OR3A2: variants seen among roughly 807,000 people sequenced by gnomAD.
The protein encoded by OR3A2 is olfactory receptor 3A2.
For synonymous variants in OR3A2, 126 were observed against 159.3 expected (o/e 0.79, Z 1.57); for missense variants, 318 against 392.8 (o/e 0.81, Z 1.61).
At chr17:3,310,783 A>G (rs753321395) in intron 3 of OR3A2, 7 of 603,938 alleles carry the variant, frequency 1.2e-5, no homozygotes, top group African/African-American at 5.7e-5. Flanking sequence ...TCCTTCACCA[A>G]TGCACTGACC....
intron 2 of OR3A2, among the ~76,000 whole-genome samples, chr17:3,354,456 C>G (rs1305826466): frequency 1.3e-5 from 2 of 151,064 alleles, no homozygotes; most frequent in African/African-American, 2.5e-5. Flanking sequence ...ACTTTCATCT[C>G]ATTATTATTA....
intron 3 of OR3A2, among the ~76,000 whole-genome samples, chr17:3,326,361 A>G (rs2049171921): frequency 6.6e-6 from 1 of 152,082 alleles, no homozygotes; most frequent in African/African-American, 2.4e-5. Flanking sequence ...ACCATAGAAG[A>G]AAATCTAGGC....
chr17:3,305,089 CAGTA>C (rs1827944221), intron 3 of OR3A2, among the ~76,000 whole-genome samples: 1 of 152,120 alleles, frequency 6.6e-6, no homozygotes, highest in Admixed American at 6.5e-5. Context: ...TGTCAAAACT[CAGTA>C]AGTGTGCACT....
At chr17:3,317,105 A>G (rs1486974206) in intron 3 of OR3A2, among the ~76,000 whole-genome samples, 6 of 152,240 alleles carry the variant, frequency 3.9e-5, no homozygotes. Flanking sequence ...GCATAAACCC[A>G]GAAACTATTT....
chr17:3,337,466 G>C (rs551764199), intron 2 of OR3A2, among the ~76,000 whole-genome samples: 1 of 150,102 alleles, frequency 6.7e-6, no homozygotes, highest in Non-Finnish European at 1.5e-5. Flanking sequence ...GATGTTCCCC[G>C]CCCTGTGTCC....
Position 3,291,964 on chromosome 17 carries a change from A to G in OR3A2, c.-84-12811T>C, listed in dbSNP as rs148493953. On this transcript the variant is annotated intron_variant, in intron 3 of 4. Transcript: ENST00000573491. ...GCCATGGGGGTACCTGCCATTATAAAACCCACAGCAAAAAGCAGCAGCTCA... is the reference window on the plus strand; with the variant it reads ...GCCATGGGGGTACCTGCCATTATAAGACCCACAGCAAAAAGCAGCAGCTCA... The G allele has an allele frequency of 1.2e-5, 19 of 1,614,192 alleles. 1 individual carries two copies. The African/African-American group carries it at 2.4e-4, about 20-fold the overall frequency.
At chr17:3,278,666 C>T (rs1432208344) in exon 2 of OR3A2, 1 of 1,411,708 alleles carries the variant, frequency 7.1e-7, no homozygotes, top group Admixed American at 1.9e-5. Flanking sequence ...GACGACCCAA[C>T]ATTGCAGGAA....
rs998697094 is a variant in OR3A2, at chr17:3,311,017, G to A, written c.-85+25016C>T. 3 of 549,280 alleles carry A rather than the reference G, an allele frequency of 5.5e-6. No homozygotes were observed. The highest frequency in any genetic ancestry group is 1.1e-5 in the Non-Finnish European group (3 of 270,576). 34.0% of individuals were successfully genotyped at this position (549,280 alleles called of 1,614,324 possible). ...GTCCTGCGAATCCGCTCTGCAGAGG[G>A]CAGAAAGAAAGCCTTCTCCACGTGT... is the stretch of plus-strand genomic sequence containing the variant. On this transcript the variant is annotated intron_variant, in intron 3 of 4. Transcript: ENST00000573491. The surrounding 1 kb of genome is among the most constrained non-coding windows in gnomAD (Gnocchi z 4.6).
chr17:3,382,467 C>T (rs1169410252), intron 2 of OR3A2, among the ~76,000 whole-genome samples: 1 of 152,186 alleles, frequency 6.6e-6, no homozygotes, highest in Admixed American at 6.5e-5. Context: ...GACTGGGTAC[C>T]TCTGGCTGGG....
At chr17:3,349,526 A>G (rs1459456750) in intron 2 of OR3A2, among the ~76,000 whole-genome samples, 1 of 152,190 alleles carries the variant, frequency 6.6e-6, no homozygotes, top group Non-Finnish European at 1.5e-5. Flanking sequence ...ACCCAAATTC[A>G]TACAGCAAGT....
chr17:3,352,378 T>C (rs1192097312), intron 2 of OR3A2, among the ~76,000 whole-genome samples: 3 of 151,904 alleles, frequency 2.0e-5, no homozygotes, highest in African/African-American at 4.8e-5. Flanking sequence ...AGTAGTTTCA[T>C]AGTTTGAGGT....
chr17:3,292,656 A>G, intron 3 of OR3A2: 1 of 1,336,306 alleles, frequency 7.5e-7, no homozygotes, highest in Non-Finnish European at 1.0e-6. Flanking sequence ...AAGAAAAAGA[A>G]ACAGACCCCC....
At chr17:3,309,699 A>T (rs1040967965) in intron 3 of OR3A2, among the ~76,000 whole-genome samples, 1 of 152,158 alleles carries the variant, frequency 6.6e-6, no homozygotes, top group Non-Finnish European at 1.5e-5. Context: ...GTCCTCGGTG[A>T]TGTTTCCTCG....
At chr17:3,373,531 T>C (rs1452231239) in intron 2 of OR3A2, among the ~76,000 whole-genome samples, 1 of 152,232 alleles carries the variant, frequency 6.6e-6, no homozygotes, top group Non-Finnish European at 1.5e-5. Context: ...CTAATCCTTT[T>C]TATCATTATA....
chr17:3,320,717 T>C (rs4790131), intron 3 of OR3A2, among the ~76,000 whole-genome samples: 61,106 of 151,386 alleles, frequency 0.4, 12,680 homozygotes, highest in Admixed American at 0.52. Context: ...CTGAGGGCTC[T>C]GTTCTGTTCC....
At chr17:3,373,041 C>T (rs1356027219) in intron 2 of OR3A2, among the ~76,000 whole-genome samples, 1 of 152,176 alleles carries the variant, frequency 6.6e-6, no homozygotes, top group Non-Finnish European at 1.5e-5. Flanking sequence ...TAATTTCCAT[C>T]ATGATTTTAC....
chr17:3,361,908 T>C (rs1278490905), intron 2 of OR3A2, among the ~76,000 whole-genome samples: 2 of 151,656 alleles, frequency 1.3e-5, no homozygotes, highest in Admixed American at 1.3e-4. Context: ...CCGGCTTTGG[T>C]ATCAGGATGA....
At chr17:3,295,720 G>A (rs1184657454) in intron 3 of OR3A2, among the ~76,000 whole-genome samples, 1 of 151,880 alleles carries the variant, frequency 6.6e-6, no homozygotes, top group Non-Finnish European at 1.5e-5. Flanking sequence ...AATTAGAAAG[G>A]GTGAAAGGTA....
chr17:3,299,889 A>C (rs764988962), intron 3 of OR3A2, among the ~76,000 whole-genome samples: 11 of 152,194 alleles, frequency 7.2e-5, no homozygotes, highest in Non-Finnish European at 1.6e-4. Flanking sequence ...TTGGTAGGGG[A>C]TCAACAAATA....
Sources: gnomAD v4.1 joint callset for allele counts (sites outside exome capture counted in the v4.1 genomes callset) on GRCh38, gnomAD v4.1.1 for gene constraint, Gnocchi (gnomAD v3.1) non-coding constraint, MANE v1.5 for transcripts, NCBI Gene and HGNC (gene_info 2026-07-23, HGNC 2026-07-21) for gene names.